DARS1: variants seen among roughly 807,000 people sequenced by gnomAD.
DARS1 encodes the protein aspartyl-tRNA synthetase 1, also known as aspartate--tRNA ligase, cytoplasmic.
In DARS1, 51 loss-of-function variants were observed where a neutral mutation model predicts 68.8. The ratio of observed to expected loss-of-function variants is 0.74; its 90% CI spans 0.59 to 0.94. DARS1 has a LOEUF of 0.94. DARS1 is among the 40% of genes least tolerant of loss of function. The pLI is 0.00. For missense variants in DARS1, 607 were observed against 597.3 expected, an observed-to-expected ratio of 1.02 and a Z score of -0.17; for synonymous variants, 203 against 190.4, an observed-to-expected ratio of 1.07 and a Z score of -0.55.
At chr2:135,962,769 C>T (rs924436398) in intron 3 of DARS1, among the ~76,000 whole-genome samples, 1 of 152,076 alleles carries the variant, frequency 6.6e-6, no homozygotes, top group Admixed American at 6.6e-5. Context: ...GAAACAAATT[C>T]AAAGGAGTTT....
Position 135,985,572 on chromosome 2 carries a change from T to C in DARS1, c.-104A>G. On this transcript the variant is annotated 5_prime_UTR_variant, in exon 1 of 16. Coordinates refer to ENST00000264161, the MANE Select transcript of DARS1 (RefSeq NM_001349.4). ...CTCCCAGTCTCCGCCCTCCCGACCC[T>C]GGGGTCTCAGCACACGCGCTCGGAC... 1 of 1,587,756 alleles carries C rather than the reference T, an allele frequency of 6.3e-7. No individual in the cohort carries two copies. The highest frequency in any genetic ancestry group is 1.1e-5 in the South Asian group (1 of 87,968).
intron 5 of DARS1, among the ~76,000 whole-genome samples, chr2:135,937,252 C>A (rs1454351407): frequency 6.6e-6 from 1 of 152,006 alleles, no homozygotes; most frequent in Non-Finnish European, 1.5e-5. Context: ...CCACGCCTGG[C>A]TAATTTTTGT....
Position 135,920,514 on chromosome 2 carries a change from G to C in DARS1, c.898C>G (p.His300Asp), listed in dbSNP as rs201938327. The C allele has an allele frequency of 3.1e-6, 5 of 1,613,414 alleles. No individual in the cohort carries two copies. The African/African-American group carries it at 6.7e-5, about 22-fold the overall frequency. ...TCAGCAATTTCTTCCATAACTTCGT[G>C]GTAATGGTAATTAAAAGCCATTTCA... The part of the protein sequence containing the change: ...DIEMAFNYHY[H>D]EVMEEIADTM... The change falls in exon 10 of 16, where the codon CAC (histidine) becomes GAC (aspartate). Residue 300 changes from histidine to aspartate, a missense_variant. Coordinates refer to ENST00000264161, the MANE Select transcript of DARS1 (RefSeq NM_001349.4).
chr2:135,942,076 C>A (rs544850792), intron 5 of DARS1, among the ~76,000 whole-genome samples: 61 of 152,236 alleles, frequency 4.0e-4, no homozygotes, highest in African/African-American at 1.3e-3. Flanking sequence ...CGAGTTCAAC[C>A]ATTGTGGAAG....
chr2:135,934,983 A>G (rs6711493), intron 5 of DARS1, among the ~76,000 whole-genome samples: 35,303 of 151,216 alleles, frequency 0.23, 4,762 homozygotes, highest in Middle Eastern at 0.43. Context: ...TAGAGACAGC[A>G]TTTCGCTATG....
At position 135,912,560 on chromosome 2, in the gene DARS1, T is replaced by G; in HGVS notation, c.1156A>C (p.Thr386Pro). The change falls in exon 13 of 16, where the codon ACA becomes CCA. Residue 386 changes from threonine to proline, a missense_variant. Physicochemically the swap from Thr to Pro is conservative, Grantham distance 38. Coordinates refer to ENST00000264161, the MANE Select transcript of DARS1 (RefSeq NM_001349.4). ...TATTTATCAAGAATATAAAAATCTG[T>G]ATCATACTATAAAAAGAATAAATGC... ...LGHLVKEKYD[T>P]DFYILDKYPL... is the part of the protein sequence containing the mutation. The G allele has an allele frequency of 1.1e-6, 1 of 876,648 alleles. No individual in the cohort carries two copies. The highest frequency in any genetic ancestry group is 1.9e-6 in the Non-Finnish European group (1 of 530,052). The allele number at this position is 876,648 out of a possible 1,614,324, so 54.3% of individuals were successfully genotyped here.
chr2:135,964,143 G>A (rs1297428928), intron 3 of DARS1, among the ~76,000 whole-genome samples: 1 of 152,112 alleles, frequency 6.6e-6, no homozygotes, highest in Non-Finnish European at 1.5e-5. Flanking sequence ...CTTACATGAG[G>A]AAAAAGTGAT....
At chr2:135,973,398 T>C (rs990995258) in intron 3 of DARS1, among the ~76,000 whole-genome samples, 3 of 150,728 alleles carry the variant, frequency 2.0e-5, no homozygotes, top group Non-Finnish European at 1.5e-5. Flanking sequence ...ATATAGAGAA[T>C]AGAAAGATAG....
chr2:135,971,085 A>G (rs1397573674), intron 3 of DARS1, among the ~76,000 whole-genome samples: 1 of 152,210 alleles, frequency 6.6e-6, no homozygotes, highest in Non-Finnish European at 1.5e-5. Context: ...ATACTTCCAA[A>G]CTCATTCTAA....
intron 4 of DARS1, among the ~76,000 whole-genome samples, chr2:135,961,144 C>T (rs946305993): frequency 2.6e-5 from 4 of 152,182 alleles, no homozygotes; most frequent in African/African-American, 9.7e-5. Context: ...TTTTGTTACT[C>T]TACTTGAAAG....
chr2:135,930,304 G>A (rs1309526041), intron 7 of DARS1, among the ~76,000 whole-genome samples: 1 of 152,192 alleles, frequency 6.6e-6, no homozygotes, highest in African/African-American at 2.4e-5. Context: ...GATTTCAGAG[G>A]TAGCATTGAG....
chr2:135,956,487 G>A (rs1159934770), intron 4 of DARS1, among the ~76,000 whole-genome samples: 3 of 152,208 alleles, frequency 2.0e-5, no homozygotes, highest in Non-Finnish European at 4.4e-5. Context: ...ATCAGATACT[G>A]AGGGGGGATG....
At chr2:135,974,127 G>A in intron 3 of DARS1, among the ~76,000 whole-genome samples, 1 of 152,184 alleles carries the variant, frequency 6.6e-6, no homozygotes, top group Non-Finnish European at 1.5e-5. Flanking sequence ...TAAAGAGACT[G>A]TGAAAGGGAC....
chr2:135,963,859 T>C (rs771220481), intron 3 of DARS1, among the ~76,000 whole-genome samples: 1 of 151,718 alleles, frequency 6.6e-6, no homozygotes, highest in Non-Finnish European at 1.5e-5. Flanking sequence ...TTTGTATTTG[T>C]AGTAGAGACG....
chr2:135,910,315 C>T (rs1191010972), intron 15 of DARS1, among the ~76,000 whole-genome samples: 1 of 152,114 alleles, frequency 6.6e-6, no homozygotes, highest in African/African-American at 2.4e-5. Context: ...CCCTTTTCTC[C>T]ACATCCTTAC....
Position 135,916,233 on chromosome 2 carries a change from C to A in DARS1, c.1099G>T (p.Asp367Tyr), listed in dbSNP as rs370064817. 6.3e-7 allele frequency: 1 copy of A among 1,580,580 alleles called. No homozygotes were observed. The highest frequency in any genetic ancestry group is 8.7e-7 in the Non-Finnish European group (1 of 1,150,122). Reference sequence around the variant, plus strand: ...AAAGCCACAAAGACAAACCTCAGATCGTCTTCATCTCCCATTTCGACTCCA... The same window carrying A: ...AAAGCCACAAAGACAAACCTCAGATAGTCTTCATCTCCCATTTCGACTCCA... ...EAGVEMGDED[D>Y]LSTPNEKLLG... The change falls in exon 11 of 16, where the codon GAT (aspartate) becomes TAT (tyrosine). Residue 367 changes from aspartate (D) to tyrosine (Y), a missense_variant. Asp to Tyr is a radical substitution (Grantham distance 160, BLOSUM62 -3). Coordinates refer to ENST00000264161, the MANE Select transcript of DARS1 (RefSeq NM_001349.4).
chr2:135,941,330 A>G (rs538620533), intron 5 of DARS1, among the ~76,000 whole-genome samples: 11 of 152,344 alleles, frequency 7.2e-5, no homozygotes, highest in Non-Finnish European at 1.3e-4. Context: ...AATGGAACAG[A>G]ACAGAGCCCT....
chr2:135,982,014 A>G (rs1682643609), intron 2 of DARS1, among the ~76,000 whole-genome samples: 1 of 152,198 alleles, frequency 6.6e-6, no homozygotes, highest in African/African-American at 2.4e-5. Context: ...ATATAACAAT[A>G]AAATTAACCT....
chr2:135,965,625 T>G (rs1403609859), intron 3 of DARS1, among the ~76,000 whole-genome samples: 1 of 152,226 alleles, frequency 6.6e-6, no homozygotes, highest in Non-Finnish European at 1.5e-5. Context: ...CTTTATAACT[T>G]GCTGAAGGCA....
Sources: gnomAD v4.1 joint callset for allele counts (sites outside exome capture counted in the v4.1 genomes callset) on GRCh38, gnomAD v4.1.1 for gene constraint, MANE v1.5 for transcripts, NCBI Gene and HGNC (gene_info 2026-07-23, HGNC 2026-07-21) for gene names.